The following MAP2K5 variants were observed in gnomAD, a reference collection of about 807,000 sequenced individuals.
MAP2K5 encodes dual specificity mitogen-activated protein kinase kinase 5.
MAP2K5 carries 49 observed loss-of-function variants against 83.1 expected under a neutral mutation model. The observed-to-expected ratio is 0.59, with a 90% CI of 0.47 to 0.75. The LOEUF (loss-of-function observed/expected upper bound fraction) is 0.75. Among genes scored for constraint, MAP2K5 ranks in the 30% least tolerant of loss-of-function variants. The probability of loss-of-function intolerance (pLI) is 0.00; values close to 1 mark genes in which losing one functional copy is unlikely to be tolerated. For synonymous variants in MAP2K5, 202 were observed against 191.8 expected (o/e 1.05, Z -0.44); for missense variants, 457 against 557.5 (o/e 0.82, Z 1.82).
intron 9 of MAP2K5, among the ~76,000 whole-genome samples, chr15:67,643,468 A>ACAGAGT (rs143539140): frequency 0.14 from 20,777 of 151,944 alleles, 1,493 homozygotes; most frequent in South Asian, 0.16. Flanking sequence ...TTTTTTTGAG[A>ACAGAGT]CAGAGTCTCG....
intron 3 of MAP2K5, among the ~76,000 whole-genome samples, chr15:67,578,640 C>T (rs985021970): frequency 4.6e-5 from 7 of 151,766 alleles, no homozygotes; most frequent in Admixed American, 1.3e-4. Context: ...CTGTGTTAGT[C>T]GTAGTACAGA....
At chr15:67,619,450 C>G (rs2086129895) in intron 8 of MAP2K5, among the ~76,000 whole-genome samples, 1 of 152,140 alleles carries the variant, frequency 6.6e-6, no homozygotes, top group Non-Finnish European at 1.5e-5. Flanking sequence ...CAATCAGAGA[C>G]ATGCATTAAG....
chr15:67,582,079 T>TTC (rs2085190468), intron 4 of MAP2K5, among the ~76,000 whole-genome samples: 1 of 149,830 alleles, frequency 6.7e-6, no homozygotes, highest in South Asian at 2.1e-4. Context: ...TTTTTTTTTT[T>TTC]CGAGACAGAG....
chr15:67,700,018 T>C (rs988049840), intron 15 of MAP2K5, among the ~76,000 whole-genome samples: 3 of 151,800 alleles, frequency 2.0e-5, no homozygotes, highest in Admixed American at 2.0e-4. Flanking sequence ...ATATTTTGAC[T>C]ATACACTAGC....
chr15:67,583,223 G>A (rs919703717), intron 4 of MAP2K5, among the ~76,000 whole-genome samples: 2 of 152,150 alleles, frequency 1.3e-5, no homozygotes, highest in Non-Finnish European at 2.9e-5. Flanking sequence ...ATTATAATAT[G>A]ATTAAAATGG....
intron 1 of MAP2K5, chr15:67,549,245 T>C: frequency 6.8e-7 from 1 of 1,466,968 alleles, no homozygotes; most frequent in South Asian, 1.2e-5. Flanking sequence ...GCTGTCTCAG[T>C]ATACTAATTT....
Position 67,786,215 on chromosome 15 carries a change from A to G in MAP2K5, c.1242+13463A>G, listed in dbSNP as rs2090414118. Among the ~76,000 whole-genome samples, 1 of 151,956 alleles carries G rather than the reference A, an allele frequency of 6.6e-6. No homozygotes were observed. The highest frequency in any genetic ancestry group is 6.6e-5 in the Admixed American group (1 of 15,256). On this transcript the variant is annotated intron_variant, in intron 21 of 21. Coordinates refer to ENST00000178640, the MANE Select transcript of MAP2K5 (RefSeq NM_145160.3). This position sits in a 1 kb window ranked among gnomAD's most constrained non-coding sequence, Gnocchi z 4.7. Reference sequence around the variant, plus strand: ...TTTAGGGAAGTTTAATGTGACTTAGAATAAATTATATGTATGTCGGATGTT... The same window carrying G: ...TTTAGGGAAGTTTAATGTGACTTAGGATAAATTATATGTATGTCGGATGTT...
In MAP2K5 at chr15:67,780,751, G is replaced by T. The variant is rs984119779; in HGVS notation, c.1242+7999G>T. ...AAATTTCTAGGATGTTCCAATATTT[G>T]CAGGGATAATATTCAAAACATTTAA... On this transcript the variant is annotated intron_variant, in intron 21 of 21. Coordinates refer to ENST00000178640, the MANE Select transcript of MAP2K5 (RefSeq NM_145160.3). This position sits in a 1 kb window ranked among gnomAD's most constrained non-coding sequence, Gnocchi z 5.0. Among the ~76,000 whole-genome samples, 42 of 152,170 alleles carry T rather than the reference G, an allele frequency of 2.8e-4. No individual in the cohort carries two copies. Among genetic ancestry groups the T allele is most frequent in the African/African-American group, 9.4e-4 (39 of 41,430 alleles).
At chr15:67,762,594 A>C (rs1380352819) in intron 19 of MAP2K5, among the ~76,000 whole-genome samples, 1 of 151,884 alleles carries the variant, frequency 6.6e-6, no homozygotes, top group African/African-American at 2.4e-5. Context: ...AAGCAGACTA[A>C]ATGAAGAATC....
chr15:67,544,258 G>A (rs1198297176), intron 1 of MAP2K5, among the ~76,000 whole-genome samples: 2 of 152,216 alleles, frequency 1.3e-5, no homozygotes, highest in African/African-American at 4.8e-5. Flanking sequence ...AACCATGACA[G>A]TATGACACAT....
In MAP2K5 at chr15:67,677,608, G is replaced by C. The variant is rs200759997; in HGVS notation, c.847+12963G>C. Among the ~76,000 whole-genome samples, 2 of 152,176 alleles carry C rather than the reference G, an allele frequency of 1.3e-5. No homozygotes were observed. The highest frequency in any genetic ancestry group is 2.9e-5 in the Non-Finnish European group (2 of 68,038). The stretch of plus-strand genomic sequence containing the variant: ...TTCCCCAAAAATGTTTTATAGTCAA[G>C]AGGAGTCTTAACAGTCAGTGGTATC... On this transcript the variant is annotated intron_variant, in intron 13 of 21. Transcript: ENST00000178640. The surrounding 1 kb of genome is among the most constrained non-coding windows in gnomAD (Gnocchi z 4.2).
At chr15:67,704,508 T>C (rs1245591197) in intron 16 of MAP2K5, among the ~76,000 whole-genome samples, 2 of 152,214 alleles carry the variant, frequency 1.3e-5, no homozygotes, top group African/African-American at 2.4e-5. Flanking sequence ...AGTTTTGTAA[T>C]GCATGAATGC....
At chr15:67,751,125 G>A (rs978640879) in intron 19 of MAP2K5, among the ~76,000 whole-genome samples, 1 of 152,100 alleles carries the variant, frequency 6.6e-6, no homozygotes, top group Non-Finnish European at 1.5e-5. Context: ...GAGCCACTCT[G>A]GGAGTCAGGA....
intron 8 of MAP2K5, among the ~76,000 whole-genome samples, chr15:67,601,063 T>A (rs929606361): frequency 6.6e-6 from 1 of 152,182 alleles, no homozygotes; most frequent in African/African-American, 2.4e-5. Context: ...TATTATTATT[T>A]TTTAACTTGC....
chr15:67,613,830 A>G (rs2085990322), intron 8 of MAP2K5, among the ~76,000 whole-genome samples: 1 of 152,006 alleles, frequency 6.6e-6, no homozygotes, highest in Admixed American at 6.6e-5. Context: ...TACATCTGAT[A>G]TTACGGGGAA....
At chr15:67,686,296 G>A (rs988575062) in intron 13 of MAP2K5, among the ~76,000 whole-genome samples, 16 of 152,138 alleles carry the variant, frequency 1.1e-4, no homozygotes, top group African/African-American at 3.9e-4. Context: ...ACAATAATCA[G>A]CAGATTGTTT....
At chr15:67,606,402 T>C (rs2085778795) in intron 8 of MAP2K5, among the ~76,000 whole-genome samples, 1 of 152,232 alleles carries the variant, frequency 6.6e-6, no homozygotes. Flanking sequence ...GGTAGAATTT[T>C]CTCAGTGATA....
chr15:67,640,488 C>A lies in MAP2K5; in HGVS notation c.586-5743C>A. On this transcript the variant is annotated intron_variant, in intron 9 of 21. Transcript: ENST00000178640. The surrounding 1 kb of genome is among the most constrained non-coding windows in gnomAD (Gnocchi z 4.6). ...CACTTGAACCTCCCAGTGACCTCAG[C>A]TGTGAAACGGGGCTGCCTGATGTCA... is the stretch of plus-strand genomic sequence containing the variant. 1.6e-6 allele frequency: 1 copy of A among 634,066 alleles called. No homozygotes were observed. Among genetic ancestry groups the A allele is most frequent in the Non-Finnish European group, 2.0e-6 (1 of 508,834 alleles). 39.3% of individuals were successfully genotyped at this position (634,066 alleles called of 1,614,324 possible).
chr15:67,607,587 T>G (rs1468855825), intron 8 of MAP2K5, among the ~76,000 whole-genome samples: 1 of 152,226 alleles, frequency 6.6e-6, no homozygotes, highest in Non-Finnish European at 1.5e-5. Context: ...AGACTCAGTT[T>G]CCACCCGAAT....
Sources: allele counts gnomAD v4.1 joint callset (sites outside exome capture counted in the v4.1 genomes callset), GRCh38; gene constraint gnomAD v4.1.1; non-coding constraint Gnocchi (gnomAD v3.1); transcripts MANE v1.5; gene names NCBI Gene and HGNC (gene_info 2026-07-23, HGNC 2026-07-21).